The following STK17B variants were observed in gnomAD, a reference collection of about 807,000 sequenced individuals.
STK17B encodes serine/threonine-protein kinase 17B.
STK17B carries 21 observed loss-of-function variants against 42.0 expected under a neutral mutation model. That is an observed-to-expected ratio of 0.50 (90% CI 0.35 to 0.72). The LOEUF is 0.72. STK17B is among the 30% of genes least tolerant of loss of function. The probability of loss-of-function intolerance (pLI) is 0.00; values close to 1 mark genes in which losing one functional copy is unlikely to be tolerated. For synonymous variants in STK17B, 143 were observed against 148.4 expected, an observed-to-expected ratio of 0.96 and a Z score of 0.26; for missense variants, 349 against 446.0, an observed-to-expected ratio of 0.78 and a Z score of 1.96.
In STK17B at chr2:196,137,636, G is replaced by A. The variant is rs1325634646; in HGVS notation, c.930C>T (p.Ser310=). ...NLFHPEETSS[S]SQTQDHSVRS... is the part of the protein sequence containing the mutation. ...TTACAGAATGATCCTGAGTTTGAGA[G>A]GAACTGGAAGTTTCTTCAGGGTGAA... The change falls in exon 8 of 8, where the codon TCC becomes TCT. Residue 310 remains serine, a synonymous_variant. Transcript: ENST00000263955. 5.6e-6 allele frequency: 9 copies of A among 1,614,128 alleles called. No homozygotes were observed. Among genetic ancestry groups the A allele is most frequent in the Admixed American group, 1.7e-5 (1 of 60,016 alleles).
intron 1 of STK17B, among the ~76,000 whole-genome samples, chr2:196,168,670 G>A (rs562399199): frequency 6.6e-6 from 1 of 152,138 alleles, no homozygotes; most frequent in African/African-American, 2.4e-5. Flanking sequence ...GTTTTAAATG[G>A]CACTGAAGTT....
At chr2:196,152,809 C>A (rs193195980) in intron 3 of STK17B, among the ~76,000 whole-genome samples, 3 of 151,752 alleles carry the variant, frequency 2.0e-5, no homozygotes, top group Non-Finnish European at 4.4e-5. Flanking sequence ...AAAGAATGAG[C>A]CAGAATGAAT....
Position 196,156,425 on chromosome 2 carries a change from T to A in STK17B, c.335+14A>T, listed in dbSNP as rs1479208473. On this transcript the variant is annotated intron_variant, in intron 3 of 7. Transcript: ENST00000263955. The stretch of plus-strand genomic sequence containing the variant: ...CATACCAACTAAAATAGGTACTATT[T>A]AGTATATACTTACTATTCCAATATC... 1 of 1,575,562 alleles carries A rather than the reference T, an allele frequency of 6.3e-7. No individual in the cohort carries two copies.
intron 2 of STK17B, among the ~76,000 whole-genome samples, chr2:196,159,520 C>T (rs1438190726): frequency 6.6e-6 from 1 of 152,084 alleles, no homozygotes; most frequent in Non-Finnish European, 1.5e-5. Context: ...CTATGTTGCC[C>T]AGGCTGGTTT....
At position 196,156,567 on chromosome 2, in the gene STK17B, T is replaced by C; in HGVS notation, c.207A>G (p.Arg69=). The stretch of plus-strand genomic sequence containing the variant: ...AAATTTCTGCTCGACAATCCTGTCC[T>C]CTTCTTCTCTTTTTTAGAAATTTTG... ...YAAKFLKKRR[R]GQDCRAEILH... The change falls in exon 3 of 8, where the codon AGA becomes AGG. Residue 69 remains arginine, a synonymous_variant. Coordinates refer to ENST00000263955, the MANE Select transcript of STK17B (RefSeq NM_004226.4). 1 of 1,614,098 alleles carries C rather than the reference T, an allele frequency of 6.2e-7. No individual in the cohort carries two copies.
At chr2:196,163,797 G>A (rs1195944975) in intron 1 of STK17B, among the ~76,000 whole-genome samples, 1 of 152,068 alleles carries the variant, frequency 6.6e-6, no homozygotes, top group Non-Finnish European at 1.5e-5. Context: ...CAGCACTTTG[G>A]GAGGCTGAGG....
At chr2:196,139,427 T>C (rs1699460571) in intron 7 of STK17B, among the ~76,000 whole-genome samples, 193 bp downstream of exon 7, 1 of 152,224 alleles carries the variant, frequency 6.6e-6, no homozygotes, top group Non-Finnish European at 1.5e-5. Context: ...TCCCCTGTTG[T>C]ATATTTTATA....
chr2:196,149,087 AG>A (rs1699624326), intron 3 of STK17B, among the ~76,000 whole-genome samples: 1 of 152,240 alleles, frequency 6.6e-6, no homozygotes, highest in Non-Finnish European at 1.5e-5. Flanking sequence ...ACATCCTAGA[AG>A]AATCAAAGCA....
At position 196,163,345 on chromosome 2, in the gene STK17B, G is replaced by A. The variant is rs750146896; in HGVS notation, c.39C>T (p.Gly13=). Residue 13 remains glycine, a synonymous_variant, in exon 2 of 8, where the codon GGC becomes GGT. Transcript: ENST00000263955. ...RRRFDCRSIS[G]LLTTTPQIPI... ...GAATTTGAGGAGTTGTAGTTAGTAG[G>A]CCTGAAATACTTCGGCAATCAAATC... 1 of 1,601,606 alleles carries A rather than the reference G, an allele frequency of 6.2e-7. No homozygotes were observed. The highest frequency in any genetic ancestry group is 1.7e-5 in the Admixed American group (1 of 57,474).
At chr2:196,139,845 A>T (rs764283291) in intron 6 of STK17B, 46 bp from the exon 7 acceptor site, 13 of 1,290,018 alleles carry the variant, frequency 1.0e-5, no homozygotes, top group Non-Finnish European at 1.2e-5. Flanking sequence ...TAATTTTTAA[A>T]CATTTATACA....
chr2:196,172,985 T>C (rs1429843761), upstream of STK17B, among the ~76,000 whole-genome samples: 1 of 152,162 alleles, frequency 6.6e-6, no homozygotes, highest in African/African-American at 2.4e-5. Context: ...GATTACATCA[T>C]TATGGTGGTT....
At chr2:196,161,110 T>C (rs1419003458) in intron 2 of STK17B, among the ~76,000 whole-genome samples, 1 of 152,144 alleles carries the variant, frequency 6.6e-6, no homozygotes, top group Non-Finnish European at 1.5e-5. Flanking sequence ...ATAATATTCA[T>C]TTCCCCATCG....
At position 196,137,299 on chromosome 2, in the gene STK17B, A is replaced by G. The variant is rs1457130576; in HGVS notation, c.*148T>C. The stretch of plus-strand genomic sequence containing the variant: ...AAATCATAACATGCTAGCAACTAGT[A>G]ATTTAACATTAAAACACTTCCCTAA... On this transcript the variant is annotated 3_prime_UTR_variant, in exon 8 of 8. Coordinates refer to ENST00000263955, the MANE Select transcript of STK17B (RefSeq NM_004226.4). The G allele has an allele frequency of 2.5e-5, 20 of 791,248 alleles. No homozygotes were observed. Among genetic ancestry groups the G allele is most frequent in the Non-Finnish European group, 3.4e-5 (18 of 526,908 alleles). The allele number at this position is 791,248 out of a possible 1,614,324, so 49.0% of individuals were successfully genotyped here.
At position 196,137,402 on chromosome 2, in the gene STK17B, A is replaced by G. The variant is rs751037950; in HGVS notation, c.*45T>C. On this transcript the variant is annotated 3_prime_UTR_variant, in exon 8 of 8. Coordinates refer to ENST00000263955, the MANE Select transcript of STK17B (RefSeq NM_004226.4). ...ACAAATCATAATCTCACTGGAGTGG[A>G]TATAAAATTTCAAATTCAGTCCAAA... 12 of 1,575,460 alleles carry G rather than the reference A, an allele frequency of 7.6e-6. No homozygotes were observed. The highest frequency in any genetic ancestry group is 1.0e-5 in the Non-Finnish European group (12 of 1,158,086).
rs1454085352 is a variant in STK17B, at chr2:196,135,855, G to GTGTCTAAAGAA, written c.*1581_*1591dup. On this transcript the variant is annotated 3_prime_UTR_variant, in exon 8 of 8. Coordinates refer to ENST00000263955, the MANE Select transcript of STK17B (RefSeq NM_004226.4). ...ATACCACAGCAAAGAATCTTGAAAA[G>GTGTCTAAAGAA]TGTCTAAAGAATGTATTGTATCTAT... 1 of 140,440 alleles carries GTGTCTAAAGAA rather than the reference G, an allele frequency of 7.1e-6. No individual in the cohort carries two copies. The highest frequency in any genetic ancestry group is 2.6e-5 in the African/African-American group (1 of 38,906). 8.7% of individuals were successfully genotyped at this position (140,440 alleles called of 1,614,324 possible).
At position 196,163,289 on chromosome 2, in the gene STK17B, T is replaced by C. The variant is rs1699836160; in HGVS notation, c.95A>G (p.Tyr32Cys). The C allele has an allele frequency of 6.2e-7, 1 of 1,608,566 alleles. No individual in the cohort carries two copies. The highest frequency in any genetic ancestry group is 8.5e-7 in the Non-Finnish European group (1 of 1,178,454). The change falls in exon 2 of 8, where the codon TAT (tyrosine) becomes TGT (cysteine). Residue 32 changes from tyrosine to cysteine, a missense_variant. By Grantham distance (194) the Tyr-to-Cys change is radical. Coordinates refer to ENST00000263955, the MANE Select transcript of STK17B (RefSeq NM_004226.4). ...PIKMENFNNF[Y>C]ILTSKELGRG... Reference sequence around the variant, plus strand: ...CCCTAGCTCTTTAGATGTAAGTATATAGAAATTATTAAAGTTTTCCATTTT... The same window carrying C: ...CCCTAGCTCTTTAGATGTAAGTATACAGAAATTATTAAAGTTTTCCATTTT...
intron 5 of STK17B, among the ~76,000 whole-genome samples, chr2:196,142,001 T>C (rs937235985): frequency 1.4e-4 from 22 of 152,158 alleles, no homozygotes; most frequent in African/African-American, 4.3e-4. Flanking sequence ...TTGGGGTAAA[T>C]AGGATCATGT....
intron 7 of STK17B, among the ~76,000 whole-genome samples, chr2:196,137,986 T>C (rs1456000892): frequency 6.6e-6 from 1 of 152,162 alleles, no homozygotes; most frequent in African/African-American, 2.4e-5. Flanking sequence ...ATGAAATGGG[T>C]ACTATTATTA....
intron 2 of STK17B, among the ~76,000 whole-genome samples, chr2:196,159,690 T>C (rs1234559626): frequency 6.6e-6 from 1 of 152,310 alleles, no homozygotes; most frequent in South Asian, 2.1e-4. Flanking sequence ...AATGATTTAT[T>C]TATTTGTCAA....
Sources: gnomAD v4.1 joint callset for allele counts (sites outside exome capture counted in the v4.1 genomes callset) on GRCh38, gnomAD v4.1.1 for gene constraint, MANE v1.5 for transcripts, NCBI Gene and HGNC (gene_info 2026-07-23, HGNC 2026-07-21) for gene names.